The following MYO1D variants were observed in gnomAD, a reference collection of about 807,000 sequenced individuals.
MYO1D encodes myosin ID.
MYO1D carries 83 observed loss-of-function variants against 122.0 expected under a neutral mutation model. The observed-to-expected ratio is 0.68, with a 90% CI of 0.57 to 0.82. MYO1D has a LOEUF of 0.82. MYO1D is among the 40% of genes least tolerant of loss of function. The pLI is 0.00. For synonymous variants in MYO1D, 464 were observed against 446.9 expected (o/e 1.04, Z -0.48); for missense variants, 1,157 against 1,269.5 (o/e 0.91, Z 1.35).
intron 21 of MYO1D, among the ~76,000 whole-genome samples, chr17:32,551,082 TC>T (rs2087011337): frequency 2.0e-5 from 3 of 152,328 alleles, no homozygotes; most frequent in African/African-American, 7.2e-5. Flanking sequence ...AGAAATGAGA[TC>T]TATAGTTTCT....
chr17:32,529,480 C>T (rs2150872157), intron 21 of MYO1D, among the ~76,000 whole-genome samples: 1 of 152,306 alleles, frequency 6.6e-6, no homozygotes, highest in South Asian at 2.1e-4. Flanking sequence ...AGACCCTTTT[C>T]TGTTTCATCT....
At position 32,539,393 on chromosome 17, in the gene MYO1D, G is replaced by A. The variant is rs143027389; in HGVS notation, c.2865-44478C>T. ...TTTTTTTAAAAACCATACTGTATTA[G>A]TTTCTTATGGCTGCTGTAAAAAATT... On this transcript the variant is annotated intron_variant, in intron 21 of 21. Transcript: ENST00000318217. Among the ~76,000 whole-genome samples, 475 of 151,516 alleles carry A rather than the reference G, an allele frequency of 3.1e-3. 5 individuals carry two copies. The highest frequency in any genetic ancestry group is 0.011 in the African/African-American group (452 of 41,208).
At chr17:32,574,161 AT>A (rs2087257300) in intron 21 of MYO1D, among the ~76,000 whole-genome samples, 1 of 151,878 alleles carries the variant, frequency 6.6e-6, no homozygotes, top group South Asian at 2.1e-4. Context: ...CCCCTTGTTT[AT>A]TTTTAACTTT....
chr17:32,793,637 A>G (rs1315028439), intron 1 of MYO1D, among the ~76,000 whole-genome samples: 4 of 152,238 alleles, frequency 2.6e-5, no homozygotes, highest in Non-Finnish European at 5.9e-5. Context: ...GAAGCCTAGA[A>G]TTAACAACTT....
At chr17:32,698,356 TC>T (rs1461472267) in intron 16 of MYO1D, among the ~76,000 whole-genome samples, 2 of 121,228 alleles carry the variant, frequency 1.6e-5, no homozygotes, top group African/African-American at 6.2e-5. Context: ...CTCCCTCTCT[TC>T]CCCCCTCCCC....
chr17:32,623,959 CAT>C (rs2087887653), intron 20 of MYO1D, among the ~76,000 whole-genome samples: 1 of 152,156 alleles, frequency 6.6e-6, no homozygotes, highest in Non-Finnish European at 1.5e-5. Context: ...AGGATTTTGA[CAT>C]ATGAATTTTG....
chr17:32,717,388 C>T (rs559093405), intron 15 of MYO1D, among the ~76,000 whole-genome samples: 1 of 152,324 alleles, frequency 6.6e-6, no homozygotes, highest in East Asian at 1.9e-4. Flanking sequence ...AAGACTTCTT[C>T]CCCACCCTTA....
At chr17:32,767,966 T>C (rs2090075641) in intron 6 of MYO1D, among the ~76,000 whole-genome samples, 1 of 152,208 alleles carries the variant, frequency 6.6e-6, no homozygotes, top group African/African-American at 2.4e-5. Flanking sequence ...TCACCTAAAA[T>C]AAGCACTGTG....
intron 12 of MYO1D, among the ~76,000 whole-genome samples, chr17:32,748,339 C>T (rs2089861167): frequency 6.6e-6 from 1 of 152,048 alleles, no homozygotes; most frequent in Non-Finnish European, 1.5e-5. Context: ...TTTATGCCTA[C>T]TGTTTCTTCT....
chr17:32,515,402 C>T (rs768417165), intron 21 of MYO1D, among the ~76,000 whole-genome samples: 6 of 152,182 alleles, frequency 3.9e-5, no homozygotes, highest in Non-Finnish European at 8.8e-5. Flanking sequence ...AGTCATCTTC[C>T]TGCCTTAGCC....
intron 4 of MYO1D, 79 bp from the exon 5 acceptor site, chr17:32,772,921 G>T: frequency 8.6e-7 from 1 of 1,169,012 alleles, no homozygotes; most frequent in Non-Finnish European, 1.3e-6. Flanking sequence ...TTAGGGAACT[G>T]TCAGGCCTCT....
chr17:32,776,713 T>A (rs753686294), intron 3 of MYO1D, among the ~76,000 whole-genome samples: 3 of 152,220 alleles, frequency 2.0e-5, no homozygotes, highest in Non-Finnish European at 2.9e-5. Flanking sequence ...CTTCACTAGT[T>A]CAGAAATTGC....
intron 21 of MYO1D, among the ~76,000 whole-genome samples, chr17:32,553,109 A>AG (rs1375301231): frequency 6.6e-6 from 1 of 151,458 alleles, no homozygotes; most frequent in Non-Finnish European, 1.5e-5. Context: ...AAAACAAAAA[A>AG]AAAAACAAAA....
Position 32,604,589 on chromosome 17 carries a change from T to C in MYO1D, c.2864+498A>G, listed in dbSNP as rs112117374. On this transcript the variant is annotated intron_variant, in intron 21 of 21. Transcript: ENST00000318217. The stretch of plus-strand genomic sequence containing the variant: ...CCCCAGGTATCATCAGGGCTTACTA[T>C]GAAGTTCTCAGATTATGCCATGTTC... 4.6e-3 allele frequency among the ~76,000 whole-genome samples: 703 copies of C among 152,338 alleles called. 9 individuals are homozygous for C. The highest frequency in any genetic ancestry group is 0.016 in the African/African-American group (677 of 41,574).
chr17:32,764,847 C>G, intron 8 of MYO1D, 31 bp downstream of exon 8: 1 of 1,609,772 alleles, frequency 6.2e-7, no homozygotes, highest in East Asian at 2.2e-5. Context: ...GCGATCAACA[C>G]CAGGTGACAT....
intron 1 of MYO1D, among the ~76,000 whole-genome samples, chr17:32,853,756 T>G (rs2091007777): frequency 6.6e-6 from 1 of 152,212 alleles, no homozygotes; most frequent in South Asian, 2.1e-4. Context: ...ATTAACAAAT[T>G]ATGGATCTTT....
chr17:32,516,528 C>T (rs1909896441), intron 21 of MYO1D, among the ~76,000 whole-genome samples: 1 of 152,240 alleles, frequency 6.6e-6, no homozygotes, highest in East Asian at 1.9e-4. Flanking sequence ...TCCCCATTTT[C>T]TCTGGAATCA....
intron 16 of MYO1D, 74 bp from the exon 17 acceptor site, chr17:32,659,412 C>T: frequency 6.9e-7 from 1 of 1,457,408 alleles, no homozygotes; most frequent in East Asian, 2.3e-5. Flanking sequence ...ATTATAGCAG[C>T]TCCTCTACTT....
intron 1 of MYO1D, among the ~76,000 whole-genome samples, chr17:32,869,137 T>C (rs1227151634): frequency 6.6e-6 from 1 of 151,774 alleles, no homozygotes; most frequent in Non-Finnish European, 1.5e-5. Flanking sequence ...GAGAATCGCT[T>C]GAACCTGGGA....
Sources: gnomAD v4.1 joint callset for allele counts (sites outside exome capture counted in the v4.1 genomes callset) on GRCh38, gnomAD v4.1.1 for gene constraint, MANE v1.5 for transcripts, NCBI Gene and HGNC (gene_info 2026-07-23, HGNC 2026-07-21) for gene names.